Variants in DCC observed in about 807,000 individuals in gnomAD.
The protein encoded by DCC is DCC netrin 1 receptor.
A neutral mutation model predicts 172.5 loss-of-function variants in DCC; 58 were observed. The ratio of observed to expected loss-of-function variants is 0.34; its 90% CI spans 0.27 to 0.42. The LOEUF (loss-of-function observed/expected upper bound fraction) is 0.42. Ranked by LOEUF, DCC falls within the 10% of genes least tolerant of loss-of-function variation. The pLI is 1.00. For missense variants in DCC, 1,740 were observed against 1,791.0 expected, an observed-to-expected ratio of 0.97 and a Z score of 0.51; for synonymous variants, 709 against 644.5, an observed-to-expected ratio of 1.10 and a Z score of -1.52.
At chr18:52,816,448 G>A (rs781692712) in intron 2 of DCC, among the ~76,000 whole-genome samples, 3 of 152,130 alleles carry the variant, frequency 2.0e-5, no homozygotes, top group Admixed American at 6.5e-5. Flanking sequence ...TCAAGGTGGC[G>A]GAGCACTGAA....
rs199848449 is a variant in DCC at position 53,157,474 on chromosome 18, A to C, written c.1380A>C (p.Gln460His). 2.4e-4 allele frequency: 388 copies of C among 1,614,108 alleles called. 2 individuals are homozygous for C. In the East Asian group the frequency reaches 7.2e-3, roughly 30 times the overall value. Reference sequence around the variant, plus strand: ...CTGCAGAAGCGAAAGGGAACATTCAAACTTTCACGGTCTTTTTCTCCAGAG... The same window carrying C: ...CTGCAGAAGCGAAAGGGAACATTCACACTTTCACGGTCTTTTTCTCCAGAG... ...RPPAEAKGNIQTFTVFFSREG... is the reference protein window; with the variant it reads ...RPPAEAKGNIHTFTVFFSREG... The change falls in exon 8 of 29, where the codon CAA becomes CAC. Residue 460 changes from glutamine to histidine, a missense_variant. By Grantham distance (24) the Gln-to-His change is conservative. Coordinates refer to ENST00000442544, the MANE Select transcript of DCC (RefSeq NM_005215.4).
intron 1 of DCC, among the ~76,000 whole-genome samples, chr18:52,721,749 G>T (rs549024421): frequency 1.0e-3 from 152 of 152,296 alleles, no homozygotes; most frequent in African/African-American, 3.3e-3. Context: ...AAATGGCCAG[G>T]CACAGTGGCT....
chr18:52,606,529 T>C (rs1179861811), intron 1 of DCC, among the ~76,000 whole-genome samples: 1 of 152,156 alleles, frequency 6.6e-6, no homozygotes, highest in Non-Finnish European at 1.5e-5. Context: ...CATTATATGA[T>C]GGCAGGAAAC....
chr18:53,316,695 T>C (rs1446754613), intron 13 of DCC, among the ~76,000 whole-genome samples: 1 of 152,210 alleles, frequency 6.6e-6, no homozygotes. Flanking sequence ...GTTGTATTCC[T>C]AGGTATTTTA....
chr18:52,421,382 G>A (rs1987243125), intron 1 of DCC, among the ~76,000 whole-genome samples: 1 of 152,160 alleles, frequency 6.6e-6, no homozygotes, highest in African/African-American at 2.4e-5. Context: ...AGCTGCATAT[G>A]GCTAACTATG....
At chr18:53,241,299 C>T (rs1381793477) in intron 12 of DCC, among the ~76,000 whole-genome samples, 2 of 152,048 alleles carry the variant, frequency 1.3e-5, no homozygotes, top group Admixed American at 6.6e-5. Context: ...GAAAACAAGC[C>T]GAGATGAAAG....
At chr18:52,588,501 G>T (rs148500153) in intron 1 of DCC, among the ~76,000 whole-genome samples, 1 of 152,290 alleles carries the variant, frequency 6.6e-6, no homozygotes, top group African/African-American at 2.4e-5. Flanking sequence ...TCAAAATGCT[G>T]CCTACTCTCA....
At chr18:52,821,301 C>T (rs2038403511) in intron 2 of DCC, among the ~76,000 whole-genome samples, 2 of 152,306 alleles carry the variant, frequency 1.3e-5, no homozygotes, top group East Asian at 1.9e-4. Context: ...ATGCCCTCCC[C>T]TCTTTCCAAC....
At chr18:52,698,854 C>A (rs933830598) in intron 1 of DCC, among the ~76,000 whole-genome samples, 6 of 151,584 alleles carry the variant, frequency 4.0e-5, no homozygotes, top group African/African-American at 1.5e-4. Context: ...CGTGATCCAC[C>A]CACCTTGGCC....
intron 1 of DCC, among the ~76,000 whole-genome samples, chr18:52,630,847 G>T (rs527473968): frequency 6.6e-6 from 1 of 152,162 alleles, no homozygotes; most frequent in Non-Finnish European, 1.5e-5. Flanking sequence ...ATCCACACAT[G>T]ACTTTAAAAA....
At chr18:52,385,438 A>G (rs72916963) in intron 1 of DCC, among the ~76,000 whole-genome samples, 14,345 of 151,732 alleles carry the variant, frequency 0.095, 813 homozygotes, top group Middle Eastern at 0.16. Context: ...ACCACATCTG[A>G]CTTATTTTTG....
intron 2 of DCC, among the ~76,000 whole-genome samples, chr18:52,760,207 C>T (rs931029258): frequency 2.0e-5 from 3 of 152,126 alleles, no homozygotes; most frequent in Non-Finnish European, 2.9e-5. Flanking sequence ...CTTCACATGG[C>T]AGCAGGAAGG....
chr18:52,657,228 C>T (rs2035272929), intron 1 of DCC, among the ~76,000 whole-genome samples: 1 of 152,128 alleles, frequency 6.6e-6, no homozygotes, highest in Non-Finnish European at 1.5e-5. Flanking sequence ...GAAGCAAGTG[C>T]CAAATGCAGT....
At chr18:53,101,823 G>GTA in intron 7 of DCC, among the ~76,000 whole-genome samples, 1 of 109,690 alleles carries the variant, frequency 9.1e-6, no homozygotes. Flanking sequence ...GTGTGTGTGT[G>GTA]TGTATTTGTG....
intron 7 of DCC, among the ~76,000 whole-genome samples, chr18:53,082,369 T>A (rs2042819206): frequency 6.6e-6 from 1 of 152,094 alleles, no homozygotes; most frequent in African/African-American, 2.4e-5. Flanking sequence ...TTCAAAGAGA[T>A]CCTTTTCTCT....
At chr18:52,427,619 A>G (rs1987473047) in intron 1 of DCC, among the ~76,000 whole-genome samples, 1 of 151,978 alleles carries the variant, frequency 6.6e-6, no homozygotes, top group Non-Finnish European at 1.5e-5. Flanking sequence ...TTGTAAGGAA[A>G]GATGTTGGCA....
chr18:52,600,949 TGCC>T (rs2034005513), intron 1 of DCC, among the ~76,000 whole-genome samples: 1 of 152,144 alleles, frequency 6.6e-6, no homozygotes, highest in Non-Finnish European at 1.5e-5. Context: ...AGTTATATAG[TGCC>T]AAGATTATGA....
chr18:52,841,308 C>G (rs896750368), intron 2 of DCC, among the ~76,000 whole-genome samples: 1 of 151,736 alleles, frequency 6.6e-6, no homozygotes, highest in Non-Finnish European at 1.5e-5. Context: ...AACACTCTGA[C>G]TAATGCATGT....
chr18:52,661,951 G>T (rs1473110732), intron 1 of DCC, among the ~76,000 whole-genome samples: 1 of 152,166 alleles, frequency 6.6e-6, no homozygotes, highest in Non-Finnish European at 1.5e-5. Flanking sequence ...TAAAAATTGG[G>T]TTTCCTGATA....
Sources: allele counts gnomAD v4.1 joint callset (sites outside exome capture counted in the v4.1 genomes callset), GRCh38; gene constraint gnomAD v4.1.1; transcripts MANE v1.5; gene names NCBI Gene and HGNC (gene_info 2026-07-23, HGNC 2026-07-21).